R3HDM2: variants seen among roughly 807,000 people sequenced by gnomAD.
The protein encoded by R3HDM2 is R3H domain-containing protein 2.
A neutral mutation model predicts 124.5 loss-of-function variants in R3HDM2; 38 were observed. The observed-to-expected ratio is 0.31, with a 90% CI of 0.24 to 0.40. R3HDM2 has a LOEUF of 0.40. R3HDM2 is among the 10% of genes least tolerant of loss of function. The probability of loss-of-function intolerance (pLI) is 1.00; values close to 1 mark genes in which losing one functional copy is unlikely to be tolerated. For synonymous variants in R3HDM2, 391 were observed against 448.0 expected, an observed-to-expected ratio of 0.87 and a Z score of 1.61; for missense variants, 869 against 1,236.9, an observed-to-expected ratio of 0.70 and a Z score of 4.46.
intron 2 of R3HDM2, among the ~76,000 whole-genome samples, chr12:57,366,898 C>G (rs756763408): frequency 2.0e-5 from 3 of 151,964 alleles, no homozygotes; most frequent in Admixed American, 2.0e-4. Context: ...CACTGTGTTA[C>G]CCAGGATGGT....
chr12:57,395,419 G>A (rs1235077803), intron 2 of R3HDM2, among the ~76,000 whole-genome samples: 1 of 151,828 alleles, frequency 6.6e-6, no homozygotes, highest in Non-Finnish European at 1.5e-5. Flanking sequence ...CGGGAGAATC[G>A]CTTGAACCCG....
chr12:57,349,913 T>C (rs2060504491), intron 2 of R3HDM2, among the ~76,000 whole-genome samples: 1 of 151,826 alleles, frequency 6.6e-6, no homozygotes, highest in African/African-American at 2.4e-5. Context: ...AAGTTTGTTA[T>C]TAAAATACAT....
At chr12:57,317,633 TA>T (rs148795067) in intron 2 of R3HDM2, among the ~76,000 whole-genome samples, 49,106 of 100,368 alleles carry the variant, frequency 0.49, 9,993 homozygotes, top group South Asian at 0.57. Context: ...GGGAGATAGT[TA>T]AAAAAAAAAA....
intron 2 of R3HDM2, among the ~76,000 whole-genome samples, chr12:57,342,857 G>A (rs1316377132): frequency 1.3e-5 from 2 of 152,172 alleles, no homozygotes; most frequent in Non-Finnish European, 2.9e-5. Context: ...TTGCCAGCGA[G>A]CTATATTTAG....
At chr12:57,315,467 G>A (rs1006522873) in intron 2 of R3HDM2, among the ~76,000 whole-genome samples, 5 of 152,158 alleles carry the variant, frequency 3.3e-5, no homozygotes, top group Non-Finnish European at 7.3e-5. Context: ...CTCAGCCACC[G>A]TTCAAGGCAC....
At chr12:57,342,927 A>G (rs889892138) in intron 2 of R3HDM2, among the ~76,000 whole-genome samples, 1 of 152,152 alleles carries the variant, frequency 6.6e-6, no homozygotes, top group Non-Finnish European at 1.5e-5. Flanking sequence ...GTAGCTATCT[A>G]TTCCTCTTCC....
chr12:57,371,081 TAC>T (rs150871473), intron 2 of R3HDM2, among the ~76,000 whole-genome samples: 2 of 134,674 alleles, frequency 1.5e-5, no homozygotes, highest in Non-Finnish European at 3.1e-5. Context: ...TATATACCAT[TAC>T]TTTTTTTTTT....
chr12:57,318,205 T>G (rs762345636), intron 2 of R3HDM2, among the ~76,000 whole-genome samples: 1 of 151,236 alleles, frequency 6.6e-6, no homozygotes, highest in Non-Finnish European at 1.5e-5. Context: ...GGCAGGAGAA[T>G]AGCTTGAACC....
Position 57,423,051 on chromosome 12 carries a change from C to T in R3HDM2, c.-106+7669G>A, listed in dbSNP as rs904695692. Among the ~76,000 whole-genome samples the T allele has an allele frequency of 4.3e-4, 65 of 152,026 alleles. 1 individual carries two copies. Among genetic ancestry groups the T allele is most frequent in the Admixed American group, 2.0e-4 (3 of 15,254 alleles). ...CAGGAAAGCAAGTAAAAAAGTATAG[C>T]GTCACCAAATATTTGAAGAAGGAGA... On this transcript the variant is annotated intron_variant, in intron 1 of 23. Coordinates refer to ENST00000402412, the MANE Select transcript of R3HDM2 (RefSeq NM_001394031.1).
chr12:57,428,044 C>CA (rs1868347812), intron 1 of R3HDM2, among the ~76,000 whole-genome samples: 1 of 151,614 alleles, frequency 6.6e-6, no homozygotes, highest in East Asian at 1.9e-4. Flanking sequence ...CGCTTGAACC[C>CA]AGGAGGTAGA....
rs951778004 is a variant in R3HDM2, at chr12:57,335,060, TG to T, written c.-35-24598del. Reference sequence around the variant, plus strand: ...GAGAGGCTATAGCAGGAGGATCCCTTGAGCCCAGGAGGTTGAGGCTATAGTG... The same window carrying T: ...GAGAGGCTATAGCAGGAGGATCCCTTAGCCCAGGAGGTTGAGGCTATAGTG... On this transcript the variant is annotated intron_variant, in intron 2 of 23. Coordinates refer to ENST00000402412, the MANE Select transcript of R3HDM2 (RefSeq NM_001394031.1). 3.3e-5 allele frequency among the ~76,000 whole-genome samples: 5 copies of T among 151,758 alleles called. No homozygotes were observed. The East Asian group carries it at 7.9e-4, about 24-fold the overall frequency.
At chr12:57,423,440 G>T (rs2070400302) in intron 1 of R3HDM2, among the ~76,000 whole-genome samples, 1 of 148,214 alleles carries the variant, frequency 6.7e-6, no homozygotes, top group African/African-American at 2.5e-5. Flanking sequence ...AGAAAGAAAA[G>T]AGATCTGTTA....
chr12:57,264,393 T>TAAAA (rs55891769), intron 19 of R3HDM2, among the ~76,000 whole-genome samples: 6 of 102,532 alleles, frequency 5.9e-5, no homozygotes, highest in African/African-American at 2.2e-4. Context: ...CTGCCTCTAC[T>TAAAA]AAAAAAAAAA....
At chr12:57,354,328 C>CT (rs2061014361) in intron 2 of R3HDM2, among the ~76,000 whole-genome samples, 1 of 152,052 alleles carries the variant, frequency 6.6e-6, no homozygotes, top group African/African-American at 2.4e-5. Flanking sequence ...GAGTCTGACT[C>CT]TGTCACGCAG....
intron 2 of R3HDM2, among the ~76,000 whole-genome samples, chr12:57,346,157 C>CAA (rs1210805432): frequency 2.2e-4 from 12 of 53,892 alleles, no homozygotes; most frequent in African/African-American, 6.2e-4. Context: ...AACTCCGTCT[C>CAA]AAAAAAAAAA....
At chr12:57,317,195 TTTG>T (rs1316503991) in intron 2 of R3HDM2, among the ~76,000 whole-genome samples, 14 of 150,746 alleles carry the variant, frequency 9.3e-5, no homozygotes, top group Admixed American at 6.6e-4. Context: ...TGTGTTTTTT[TTTG>T]TTTGTTTTTT....
chr12:57,378,011 A>C (rs2064322846), intron 2 of R3HDM2, among the ~76,000 whole-genome samples: 1 of 152,128 alleles, frequency 6.6e-6, no homozygotes, highest in Non-Finnish European at 1.5e-5. Context: ...AAGCAAGAGA[A>C]TCTCTTGAAC....
At chr12:57,362,560 G>C (rs1323250843) in intron 2 of R3HDM2, among the ~76,000 whole-genome samples, 3 of 152,154 alleles carry the variant, frequency 2.0e-5, no homozygotes, top group Non-Finnish European at 4.4e-5. Flanking sequence ...GGAGTCAAAA[G>C]TTATATGTGG....
At chr12:57,269,206 G>A in intron 16 of R3HDM2, 117 bp downstream of exon 16, 3 of 1,545,056 alleles carry the variant, frequency 1.9e-6, no homozygotes, top group Non-Finnish European at 2.6e-6. Context: ...CTGTTCTTAG[G>A]ACCCTAATCA....
Sources: allele counts gnomAD v4.1 joint callset (sites outside exome capture counted in the v4.1 genomes callset), GRCh38; gene constraint gnomAD v4.1.1; transcripts MANE v1.5; gene names NCBI Gene and HGNC (gene_info 2026-07-23, HGNC 2026-07-21).